RALGPS1: variants seen among roughly 807,000 people sequenced by gnomAD.
The protein encoded by RALGPS1 is ras-specific guanine nucleotide-releasing factor RalGPS1.
In RALGPS1, 19 loss-of-function variants were observed where a neutral mutation model predicts 78.8. The observed-to-expected ratio is 0.24, with a 90% CI of 0.17 to 0.35. The LOEUF (loss-of-function observed/expected upper bound fraction) is 0.35, where lower values mean the gene tolerates loss of function less well. Ranked by LOEUF, RALGPS1 falls within the 10% of genes least tolerant of loss-of-function variation. The pLI is 1.00. For missense variants in RALGPS1, 454 were observed against 688.3 expected (o/e 0.66, Z 3.81); for synonymous variants, 228 against 256.3 (o/e 0.89, Z 1.06).
Position 127,114,637 on chromosome 9 carries a change from C to T in RALGPS1, c.610+45281C>T, listed in dbSNP as rs921071696. Among the ~76,000 whole-genome samples, 7 of 152,338 alleles carry T rather than the reference C, an allele frequency of 4.6e-5. No homozygotes were observed. The South Asian group carries it at 6.2e-4, about 14-fold the overall frequency. ...CTTACAGAACCACCCCCTCACCACC[C>T]GTCCTCTGGTCAGCACTGCCCATTG... is the stretch of plus-strand genomic sequence containing the variant. On this transcript the variant is annotated intron_variant, in intron 8 of 18. Coordinates refer to ENST00000259351, the MANE Select transcript of RALGPS1 (RefSeq NM_014636.3).
At position 126,981,133 on chromosome 9, in the gene RALGPS1, A is replaced by G. The variant is rs79676978; in HGVS notation, c.216+3388A>G. ...TGGGGGTATTTAGCTTGAAAAAAGA[A>G]GGTACCTGAGGGACATGATTCTTGT... On this transcript the variant is annotated intron_variant, in intron 4 of 18. Transcript: ENST00000259351. 5.5e-3 allele frequency among the ~76,000 whole-genome samples: 842 copies of G among 152,270 alleles called. 29 individuals are homozygous for G. In the East Asian group the frequency reaches 0.082, roughly 15 times the overall value.
chr9:127,195,115 C>T lies in RALGPS1; in HGVS notation c.935C>T (p.Ala312Val), dbSNP rs756319072. The T allele has an allele frequency of 1.1e-5, 17 of 1,613,338 alleles. No homozygotes were observed. Among genetic ancestry groups the T allele is most frequent in the East Asian group, 2.2e-5 (1 of 44,890 alleles). Reference sequence around the variant, plus strand: ...GGTCCCTCTGCTGGCTCCGGTTCTGCGAGGTTCAGCCGGAGGCCCACCTGT... The same window carrying T: ...GGTCCCTCTGCTGGCTCCGGTTCTGTGAGGTTCAGCCGGAGGCCCACCTGT... The part of the protein sequence containing the change: ...LAGPSAGSGS[A>V]RFSRRPTCPD... The change falls in exon 12 of 19, where the codon GCG (alanine) becomes GTG (valine). Residue 312 changes from alanine to valine, a missense_variant. Transcript: ENST00000259351.
chr9:126,970,192 A>T (rs752936311), intron 3 of RALGPS1, among the ~76,000 whole-genome samples: 1 of 152,152 alleles, frequency 6.6e-6, no homozygotes, highest in Non-Finnish European at 1.5e-5. Flanking sequence ...GAAACCCATG[A>T]ACAAAATTGT....
intron 4 of RALGPS1, among the ~76,000 whole-genome samples, chr9:126,997,890 GA>G (rs1404859091): frequency 1.3e-5 from 2 of 152,100 alleles, no homozygotes; most frequent in African/African-American, 4.8e-5. Context: ...TCTGATCTTT[GA>G]CAAACCTGAG....
At chr9:126,939,704 G>C (rs1486017385) in intron 1 of RALGPS1, among the ~76,000 whole-genome samples, 1 of 152,270 alleles carries the variant, frequency 6.6e-6, no homozygotes, top group East Asian at 1.9e-4. Flanking sequence ...GTCCCTCTCT[G>C]AGAGTGAGTG....
rs1329549595 is a variant in RALGPS1 at position 127,218,532 on chromosome 9, G to A, written c.1645-208G>A. Among the ~76,000 whole-genome samples, 2 of 152,170 alleles carry A rather than the reference G, an allele frequency of 1.3e-5. No individual in the cohort carries two copies. The highest frequency in any genetic ancestry group is 2.1e-4 in the South Asian group (1 of 4,830). On this transcript the variant is annotated intron_variant, in intron 18 of 18. Transcript: ENST00000259351. The surrounding 1 kb of genome is among the most constrained non-coding windows in gnomAD (Gnocchi z 4.4). ...GGGGTTGAAGTGAGGACTCAAGAAC[G>A]CAGTGCATGCGGTGGATTCAGAGCA...
chr9:127,133,853 CAG>C (rs1290293839), intron 8 of RALGPS1, among the ~76,000 whole-genome samples: 1 of 152,082 alleles, frequency 6.6e-6, no homozygotes. Context: ...TCTCTGTGGT[CAG>C]AGTGTTTATC....
chr9:127,188,348 G>T (rs980043228), intron 11 of RALGPS1, among the ~76,000 whole-genome samples: 10 of 152,132 alleles, frequency 6.6e-5, no homozygotes, highest in Non-Finnish European at 1.5e-5. Context: ...AACCCCTTGC[G>T]GGGAAAATGC....
intron 8 of RALGPS1, among the ~76,000 whole-genome samples, chr9:127,147,781 T>C (rs2058180024): frequency 6.6e-6 from 1 of 152,230 alleles, no homozygotes. Flanking sequence ...CTTAGCACGA[T>C]GCTGGGCACT....
At chr9:126,916,715 A>T (rs1009854983) in intron 1 of RALGPS1, among the ~76,000 whole-genome samples, 8 of 152,162 alleles carry the variant, frequency 5.3e-5, no homozygotes, top group African/African-American at 1.9e-4. Context: ...TGGGAGGCGG[A>T]GGTTGCAGTG....
intron 8 of RALGPS1, among the ~76,000 whole-genome samples, chr9:127,120,971 TG>T (rs749920260): frequency 6.7e-6 from 1 of 149,424 alleles, no homozygotes; most frequent in Non-Finnish European, 1.5e-5. Flanking sequence ...TTCCTAGGCA[TG>T]GGCGCCTAGC....
intron 12 of RALGPS1, among the ~76,000 whole-genome samples, chr9:127,196,254 G>A (rs537998200): frequency 5.3e-5 from 8 of 152,326 alleles, no homozygotes; most frequent in African/African-American, 1.9e-4. Flanking sequence ...GGCAAGTATC[G>A]TTATCCCCAT....
Position 127,183,106 on chromosome 9 carries a change from T to A in RALGPS1, c.910+8324T>A, listed in dbSNP as rs2060386984. Among the ~76,000 whole-genome samples the A allele has an allele frequency of 6.6e-6, 1 of 152,090 alleles. No homozygotes were observed. The highest frequency in any genetic ancestry group is 6.6e-5 in the Admixed American group (1 of 15,260). Reference sequence around the variant, plus strand: ...TCCCGTGAACTGAGTGAGAACTCACTCATCACCAGGGGGATGGTGCTAAGC... The same window carrying A: ...TCCCGTGAACTGAGTGAGAACTCACACATCACCAGGGGGATGGTGCTAAGC... On this transcript the variant is annotated intron_variant, in intron 11 of 18. Transcript: ENST00000259351. This position sits in a 1 kb window ranked among gnomAD's most constrained non-coding sequence, Gnocchi z 4.0.
At chr9:127,011,266 C>G (rs1234381941) in intron 4 of RALGPS1, among the ~76,000 whole-genome samples, 1 of 152,112 alleles carries the variant, frequency 6.6e-6, no homozygotes, top group African/African-American at 2.4e-5. Flanking sequence ...CAACCTCTGG[C>G]TCCTGGGTTC....
At chr9:126,972,565 C>T (rs896506834) in intron 3 of RALGPS1, among the ~76,000 whole-genome samples, 13 of 152,250 alleles carry the variant, frequency 8.5e-5, no homozygotes, top group Middle Eastern at 3.4e-3. Flanking sequence ...AGCAGTGTGC[C>T]GCCACCTGCG....
intron 4 of RALGPS1, among the ~76,000 whole-genome samples, chr9:126,980,267 T>C (rs1384219750): frequency 6.6e-6 from 1 of 152,220 alleles, no homozygotes; most frequent in Non-Finnish European, 1.5e-5. Context: ...ATTTTAAGTA[T>C]GCAGAGGCCA....
intron 3 of RALGPS1, among the ~76,000 whole-genome samples, chr9:126,971,661 A>C (rs1308483358): frequency 6.6e-6 from 1 of 152,230 alleles, no homozygotes. Flanking sequence ...CTTCCTGAGG[A>C]ATCTATGAGA....
chr9:127,179,538 C>T (rs1424223813), intron 11 of RALGPS1, among the ~76,000 whole-genome samples: 1 of 152,220 alleles, frequency 6.6e-6, no homozygotes, highest in Non-Finnish European at 1.5e-5. Flanking sequence ...GTGCCCTTTC[C>T]AGTAGGCACA....
chr9:127,068,172 A>G (rs1297821751), intron 7 of RALGPS1, among the ~76,000 whole-genome samples: 2 of 152,232 alleles, frequency 1.3e-5, no homozygotes, highest in African/African-American at 4.8e-5. Flanking sequence ...GACTGCATGT[A>G]GAAAAGAAGG....
Sources: allele counts gnomAD v4.1 joint callset (sites outside exome capture counted in the v4.1 genomes callset), GRCh38; gene constraint gnomAD v4.1.1; non-coding constraint Gnocchi (gnomAD v3.1); transcripts MANE v1.5; gene names NCBI Gene and HGNC (gene_info 2026-07-23, HGNC 2026-07-21).